Variants in TKTL1 observed in about 807,000 individuals in gnomAD.
The protein encoded by TKTL1 is transketolase-like protein 1.
A neutral mutation model predicts 39.3 loss-of-function variants in TKTL1; 1 was observed. The ratio of observed to expected loss-of-function variants is 0.03; its 90% confidence interval spans 0.01 to 0.12. The LOEUF (loss-of-function observed/expected upper bound fraction) is 0.12, where lower values mean the gene tolerates loss of function less well. Ranked by LOEUF, TKTL1 falls within the 10% of genes least tolerant of loss-of-function variation. TKTL1 has a pLI of 1.00. For synonymous variants in TKTL1, 262 were observed against 193.8 expected (o/e 1.35, Z -2.92); for missense variants, 575 against 509.6 (o/e 1.13, Z -1.24).
chrX:154,311,523 C>T (rs782509316), intron 5 of TKTL1, among the ~76,000 whole-genome samples: 28 of 111,572 alleles, frequency 2.5e-4, no homozygotes, highest in African/African-American at 8.5e-4. Context: ...ACAATCTCTA[C>T]GGTTAGTAGA....
intron 1 of TKTL1, among the ~76,000 whole-genome samples, chrX:154,302,803 G>A (rs1460102161): frequency 8.9e-6 from 1 of 111,810 alleles, no homozygotes; most frequent in Non-Finnish European, 1.9e-5. Context: ...AGAAAGAAAA[G>A]AGAGATTGGA....
chrX:154,320,391 G>A, intron 7 of TKTL1: 1 of 231,801 alleles, frequency 4.3e-6, no homozygotes, highest in Non-Finnish European at 7.8e-6. Flanking sequence ...TGATCCAAGA[G>A]AAAGGGAAGT....
chrX:154,323,391 G>C (rs1426601102), intron 9 of TKTL1, 54 bp downstream of exon 9: 2 of 1,147,876 alleles, frequency 1.7e-6, no homozygotes, highest in African/African-American at 3.7e-5. Flanking sequence ...GACTCTGCTA[G>C]TTTCATACTG....
chrX:154,315,517 G>C (rs2067392353), intron 7 of TKTL1, among the ~76,000 whole-genome samples, 180 bp downstream of exon 7: 1 of 111,619 alleles, frequency 9.0e-6, no homozygotes, highest in African/African-American at 3.3e-5. Context: ...GGTCTGCTAG[G>C]AGGGCCGTAA....
chrX:154,309,605 C>T (rs2067340492), intron 3 of TKTL1, among the ~76,000 whole-genome samples, 163 bp downstream of exon 3: 1 of 111,208 alleles, frequency 9.0e-6, no homozygotes, highest in African/African-American at 3.3e-5. Context: ...TGTGCCTTTT[C>T]CCCACCTCGG....
Position 154,325,356 on chromosome X carries a change from G to A in TKTL1, c.1335G>A (p.Arg445=), listed in dbSNP as rs2067485753. ...TGCCCTAGGGGATGTGCTTCATTCG[G>A]ACCACCCGACCAGAAACTATGGTTA... is the stretch of plus-strand genomic sequence containing the variant. The part of the protein sequence containing the change: ...AANAKGMCFI[R]TTRPETMVIY... Residue 445 remains arginine (R), a synonymous_variant, in exon 10 of 13, where the codon CGG becomes CGA. Transcript: ENST00000369915. 1 of 1,209,810 alleles carries A rather than the reference G, an allele frequency of 8.3e-7. No homozygotes were observed. Among genetic ancestry groups the A allele is most frequent in the Non-Finnish European group, 1.1e-6 (1 of 894,883 alleles).
At chrX:154,302,770 C>T (rs1225461255) in intron 1 of TKTL1, among the ~76,000 whole-genome samples, 7 of 111,633 alleles carry the variant, frequency 6.3e-5, no homozygotes, top group African/African-American at 2.3e-4. Flanking sequence ...GACCCTAAAT[C>T]CAGTGACTAG....
chrX:154,305,011 A>G (rs1458462889), intron 1 of TKTL1: 3 of 1,055,580 alleles, frequency 2.8e-6, no homozygotes, highest in Non-Finnish European at 3.7e-6. Context: ...AAGGCCACAG[A>G]TGAATTTAAG....
At chrX:154,304,081 G>A (rs2067296373) in intron 1 of TKTL1, among the ~76,000 whole-genome samples, 1 of 110,545 alleles carries the variant, frequency 9.0e-6, no homozygotes, top group Non-Finnish European at 1.9e-5. Context: ...GCAGTGGGGA[G>A]AGAGCAGAGG....
intron 1 of TKTL1, among the ~76,000 whole-genome samples, chrX:154,297,254 T>C (rs781955317): frequency 9.0e-6 from 1 of 110,623 alleles, no homozygotes; most frequent in East Asian, 2.8e-4. Flanking sequence ...TTTTTTTTGT[T>C]TTTTTTTTCT....
At chrX:154,319,794 G>T (rs1173481497) in intron 7 of TKTL1, among the ~76,000 whole-genome samples, 1 of 110,367 alleles carries the variant, frequency 9.1e-6, no homozygotes, top group Non-Finnish European at 1.9e-5. Context: ...GCAGATGAAT[G>T]TAGACAGAGT....
intron 3 of TKTL1, 77 bp downstream of exon 3, chrX:154,309,519 T>G: frequency 1.1e-6 from 1 of 872,623 alleles, no homozygotes; most frequent in East Asian, 3.1e-5. Context: ...GGCAGCCACC[T>G]ATCTCCGTGA....
chrX:154,325,265 T>G, intron 9 of TKTL1, 74 bp from the exon 10 acceptor site: 1 of 1,003,367 alleles, frequency 1.0e-6, no homozygotes, highest in Non-Finnish European at 1.4e-6. Flanking sequence ...ACACCCCTCC[T>G]TCACTTCTTT....
intron 1 of TKTL1, among the ~76,000 whole-genome samples, chrX:154,302,794 G>T (rs1396541205): frequency 8.9e-6 from 1 of 111,823 alleles, no homozygotes; most frequent in African/African-American, 3.3e-5. Context: ...CCTTATAAGA[G>T]AAAGAAAAGA....
At chrX:154,323,089 A>G in intron 8 of TKTL1, 118 bp from the exon 9 acceptor site, 4 of 939,065 alleles carry the variant, frequency 4.3e-6, no homozygotes, top group Non-Finnish European at 5.8e-6. Flanking sequence ...GGGCTCTGCT[A>G]CAGCTCGGGA....
intron 1 of TKTL1, among the ~76,000 whole-genome samples, 186 bp downstream of exon 1, chrX:154,296,179 C>A (rs139278795): frequency 9.0e-6 from 1 of 111,210 alleles, no homozygotes; most frequent in African/African-American, 3.3e-5. Context: ...GCACTATTCC[C>A]GCCAACCCAA....
chrX:154,301,980 G>A (rs782212960), intron 1 of TKTL1, among the ~76,000 whole-genome samples: 1 of 108,820 alleles, frequency 9.2e-6, no homozygotes, highest in Non-Finnish European at 1.9e-5. Flanking sequence ...ATCATTCAGC[G>A]TGGGCACTCC....
rs1173798461 is a variant in TKTL1, at chrX:154,327,647, G to A, written c.1458G>A (p.Val486=). Residue 486 remains valine (V), a synonymous_variant, in exon 11 of 13, where the codon GTG becomes GTA. Transcript: ENST00000369915. The stretch of plus-strand genomic sequence containing the variant: ...CAGTTATTGGAGCTGGAATTACTGT[G>A]TATGAAGCCTTAGCAGCTGCTGATG... ...KVTVIGAGIT[V]YEALAAADEL... The A allele has an allele frequency of 4.1e-6, 5 of 1,209,625 alleles. No individual in the cohort carries two copies. The highest frequency in any genetic ancestry group is 4.5e-6 in the Non-Finnish European group (4 of 894,902).
At chrX:154,299,374 C>G (rs1336392719) in intron 1 of TKTL1, among the ~76,000 whole-genome samples, 1 of 108,446 alleles carries the variant, frequency 9.2e-6, no homozygotes. Context: ...AGGCTGGTCT[C>G]AAACTCCCGA....
Sources: gnomAD v4.1 joint callset for allele counts (sites outside exome capture counted in the v4.1 genomes callset) on GRCh38, gnomAD v4.1.1 for gene constraint, MANE v1.5 for transcripts, NCBI Gene and HGNC (gene_info 2026-07-23, HGNC 2026-07-21) for gene names.